EFNA5: variants seen among roughly 807,000 people sequenced by gnomAD.
EFNA5 encodes ephrin A5, also known as ephrin-A5.
A neutral mutation model predicts 22.9 loss-of-function variants in EFNA5; 5 were observed. The ratio of observed to expected loss-of-function variants is 0.22; its 90% CI spans 0.11 to 0.46. EFNA5 has a LOEUF of 0.46. Among genes scored for constraint, EFNA5 ranks in the 20% least tolerant of loss-of-function variants. The probability of loss-of-function intolerance (pLI) is 0.99; values close to 1 mark genes in which losing one functional copy is unlikely to be tolerated. For synonymous variants in EFNA5, 113 were observed against 112.2 expected (o/e 1.01, Z -0.04); for missense variants, 237 against 293.3 (o/e 0.81, Z 1.40).
At chr5:107,406,089 C>A (rs424251) in intron 2 of EFNA5, among the ~76,000 whole-genome samples, 14,489 of 29,614 alleles carry the variant, frequency 0.49, 4,071 homozygotes, top group African/African-American at 0.56. Context: ...ATACAAATAC[C>A]TATATTTGTA....
intron 1 of EFNA5, among the ~76,000 whole-genome samples, chr5:107,604,021 T>C (rs151195408): frequency 3.3e-5 from 5 of 152,326 alleles, no homozygotes; most frequent in South Asian, 2.1e-4. Context: ...TAAGGACTAA[T>C]TCAGGTACTC....
intron 1 of EFNA5, among the ~76,000 whole-genome samples, chr5:107,659,087 G>A (rs66947683): frequency 0.32 from 48,407 of 151,998 alleles, 8,741 homozygotes; most frequent in South Asian, 0.51. Context: ...CCTTACAGGT[G>A]CAAATGTTAT....
chr5:107,432,950 A>G (rs1749002362), intron 1 of EFNA5, among the ~76,000 whole-genome samples: 1 of 152,224 alleles, frequency 6.6e-6, no homozygotes, highest in Non-Finnish European at 1.5e-5. Context: ...ACTTAAAAAG[A>G]GTAAATATAT....
At chr5:107,620,795 T>C (rs1025031773) in intron 1 of EFNA5, among the ~76,000 whole-genome samples, 50 of 152,282 alleles carry the variant, frequency 3.3e-4, no homozygotes, top group African/African-American at 1.2e-3. Context: ...GGCAAATAAT[T>C]ACAATATAAA....
At chr5:107,502,147 G>C (rs116701858) in intron 1 of EFNA5, among the ~76,000 whole-genome samples, 26 of 152,188 alleles carry the variant, frequency 1.7e-4, no homozygotes, top group Non-Finnish European at 4.4e-5. Flanking sequence ...TCAGTTCACC[G>C]ATCTAATTCC....
intron 1 of EFNA5, among the ~76,000 whole-genome samples, chr5:107,662,874 G>A (rs1750992475): frequency 6.6e-6 from 1 of 151,158 alleles, no homozygotes; most frequent in African/African-American, 2.4e-5. Context: ...TGAGGGTGGA[G>A]GTGACAATAG....
intron 1 of EFNA5, among the ~76,000 whole-genome samples, chr5:107,627,862 C>T (rs1302875095): frequency 6.6e-6 from 1 of 152,058 alleles, no homozygotes; most frequent in African/African-American, 2.4e-5. Context: ...TAGCATTGCT[C>T]ACTGTCAATT....
At chr5:107,500,959 G>C (rs1747119916) in intron 1 of EFNA5, among the ~76,000 whole-genome samples, 1 of 151,616 alleles carries the variant, frequency 6.6e-6, no homozygotes, top group African/African-American at 2.4e-5. Flanking sequence ...CTGTGAACAA[G>C]TGAGTGGGAG....
At chr5:107,440,644 C>T (rs1456137203) in intron 1 of EFNA5, among the ~76,000 whole-genome samples, 3 of 152,168 alleles carry the variant, frequency 2.0e-5, no homozygotes, top group Non-Finnish European at 4.4e-5. Context: ...CTCAGTAGTG[C>T]AATCCCAGAT....
intron 1 of EFNA5, among the ~76,000 whole-genome samples, chr5:107,489,234 G>A (rs1746731518): frequency 6.6e-6 from 1 of 151,990 alleles, no homozygotes; most frequent in Non-Finnish European, 1.5e-5. Flanking sequence ...AATGCAGTAG[G>A]GCAATCTTGG....
rs1259898793 is a variant in EFNA5 at position 107,391,126 on chromosome 5, TC to T, written c.419-3356del. Among the ~76,000 whole-genome samples the T allele has an allele frequency of 2.6e-5, 4 of 152,136 alleles. No homozygotes were observed. In the East Asian group the frequency reaches 7.7e-4, roughly 29 times the overall value. On this transcript the variant is annotated intron_variant, in intron 2 of 4. Coordinates refer to ENST00000333274, the MANE Select transcript of EFNA5 (RefSeq NM_001962.3). ...GTGAGCCGAGACTGAGCTACTGTAC[TC>T]CAGCTTAGCAACAGAGCTAGACTCT...
intron 1 of EFNA5, among the ~76,000 whole-genome samples, chr5:107,476,577 G>C (rs888186973): frequency 3.3e-5 from 5 of 152,030 alleles, no homozygotes; most frequent in Admixed American, 2.6e-4. Context: ...CAGTTCAATA[G>C]GGATATCTGA....
intron 1 of EFNA5, among the ~76,000 whole-genome samples, chr5:107,457,767 A>T (rs1430387548): frequency 6.6e-6 from 1 of 152,196 alleles, no homozygotes; most frequent in Non-Finnish European, 1.5e-5. Context: ...TATCTGCTCA[A>T]TTTCTATAAA....
chr5:107,605,312 G>C (rs1172545587), intron 1 of EFNA5, among the ~76,000 whole-genome samples: 1 of 152,100 alleles, frequency 6.6e-6, no homozygotes, highest in Non-Finnish European at 1.5e-5. Flanking sequence ...ATGATGCCGA[G>C]ACCATAACTC....
intron 1 of EFNA5, among the ~76,000 whole-genome samples, chr5:107,428,156 G>A (rs938759033): frequency 2.0e-5 from 3 of 152,112 alleles, no homozygotes; most frequent in Non-Finnish European, 1.5e-5. Context: ...TGGAGACTTC[G>A]GATCCCAGTT....
intron 1 of EFNA5, among the ~76,000 whole-genome samples, chr5:107,494,928 C>T (rs1746932668): frequency 6.6e-6 from 1 of 152,104 alleles, no homozygotes; most frequent in Non-Finnish European, 1.5e-5. Context: ...ACCTTTGTGT[C>T]TAGCTCTGTA....
At chr5:107,443,179 G>C (rs1015088800) in intron 1 of EFNA5, among the ~76,000 whole-genome samples, 1 of 152,166 alleles carries the variant, frequency 6.6e-6, no homozygotes, top group African/African-American at 2.4e-5. Context: ...CTGGGCAGGA[G>C]GCTGCCCAAA....
intron 1 of EFNA5, among the ~76,000 whole-genome samples, chr5:107,445,354 A>C (rs1749363091): frequency 6.6e-6 from 1 of 152,016 alleles, no homozygotes; most frequent in Non-Finnish European, 1.5e-5. Flanking sequence ...ATAACTTTAA[A>C]CCCCAAAGAG....
At chr5:107,607,887 C>G (rs1034090622) in intron 1 of EFNA5, among the ~76,000 whole-genome samples, 1 of 152,118 alleles carries the variant, frequency 6.6e-6, no homozygotes, top group African/African-American at 2.4e-5. Flanking sequence ...TCCTCCTCCC[C>G]CTAACACTTC....
Sources: gnomAD v4.1 joint callset for allele counts (sites outside exome capture counted in the v4.1 genomes callset) on GRCh38, gnomAD v4.1.1 for gene constraint, MANE v1.5 for transcripts, NCBI Gene and HGNC (gene_info 2026-07-23, HGNC 2026-07-21) for gene names.